The following VPS13A variants were observed in gnomAD, a reference collection of about 807,000 sequenced individuals.
VPS13A encodes intermembrane lipid transfer protein VPS13A.
VPS13A carries 264 observed loss-of-function variants against 390.9 expected under a neutral mutation model. That is an observed-to-expected ratio of 0.68 (90% confidence interval 0.61 to 0.75). The LOEUF (loss-of-function observed/expected upper bound fraction) is 0.75, where lower values mean the gene tolerates loss of function less well. Among genes scored for constraint, VPS13A ranks in the 30% least tolerant of loss-of-function variants. VPS13A has a pLI of 0.00. For missense variants in VPS13A, 3,409 were observed against 3,733.9 expected (o/e 0.91, Z 2.27); for synonymous variants, 1,231 against 1,227.1 (o/e 1.00, Z -0.07).
chr9:77,213,282 A>G lies in VPS13A; in HGVS notation c.664A>G (p.Met222Val). ...LFAYWNVKSQ[M>V]FYLSDYDNSL... Reference sequence around the variant, plus strand: ...TGCCTATTGGAATGTGAAGTCTCAGATGTTTTATCTTAGTGATTATGATAA... The same window carrying G: ...TGCCTATTGGAATGTGAAGTCTCAGGTGTTTTATCTTAGTGATTATGATAA... The change falls in exon 9 of 72, where the codon ATG becomes GTG. Residue 222 changes from methionine (M) to valine (V), a missense_variant. This residue lies in a region of VPS13A where 2,717 missense variants were observed against 2,917.4 expected (regional missense o/e 0.93). Coordinates refer to ENST00000360280, the MANE Select transcript of VPS13A (RefSeq NM_033305.3). 4 of 1,613,714 alleles carry G rather than the reference A, an allele frequency of 2.5e-6. No homozygotes were observed. The highest frequency in any genetic ancestry group is 3.4e-6 in the Non-Finnish European group (4 of 1,179,840).
At chr9:77,215,152 C>T (rs779618290) in intron 10 of VPS13A, among the ~76,000 whole-genome samples, 29 of 151,770 alleles carry the variant, frequency 1.9e-4, no homozygotes, top group Admixed American at 3.9e-4. Context: ...CAAAAACAAA[C>T]AAAAAAAAGT....
At chr9:77,178,362 C>G (rs556439472) in intron 1 of VPS13A, among the ~76,000 whole-genome samples, 26 of 152,374 alleles carry the variant, frequency 1.7e-4, no homozygotes, top group Admixed American at 1.1e-3. Flanking sequence ...CTGCTCTCCC[C>G]CTTCCGGCCC....
chr9:77,267,748 C>T (rs1262125431), intron 23 of VPS13A, among the ~76,000 whole-genome samples: 1 of 152,196 alleles, frequency 6.6e-6, no homozygotes, highest in Non-Finnish European at 1.5e-5. Flanking sequence ...ATGTTTAAGT[C>T]TGCTGAAGCT....
chr9:77,289,244 ACAGT>A (rs937511108), intron 31 of VPS13A, among the ~76,000 whole-genome samples: 18 of 152,290 alleles, frequency 1.2e-4, no homozygotes, highest in African/African-American at 3.8e-4. Context: ...TGGGTTTCTT[ACAGT>A]CAGTGTATAT....
At chr9:77,189,359 A>G (rs981994552) in intron 1 of VPS13A, among the ~76,000 whole-genome samples, 1 of 152,066 alleles carries the variant, frequency 6.6e-6, no homozygotes, top group Non-Finnish European at 1.5e-5. Flanking sequence ...CATTTATTGA[A>G]TAGGGAGTCC....
At chr9:77,225,742 A>T (rs575923431) in intron 13 of VPS13A, among the ~76,000 whole-genome samples, 184 bp from the exon 14 acceptor site, 9 of 152,286 alleles carry the variant, frequency 5.9e-5, no homozygotes, top group Non-Finnish European at 1.3e-4. Context: ...ACTAATTTCC[A>T]TGCTGATATA....
At chr9:77,179,073 C>G (rs181067714) in intron 1 of VPS13A, among the ~76,000 whole-genome samples, 4 of 152,300 alleles carry the variant, frequency 2.6e-5, no homozygotes, top group African/African-American at 9.6e-5. Context: ...GTTTATGCTG[C>G]TTCTTAGTTG....
At chr9:77,296,073 CTA>C (rs767445912) in intron 33 of VPS13A, among the ~76,000 whole-genome samples, 1 of 152,146 alleles carries the variant, frequency 6.6e-6, no homozygotes. Flanking sequence ...ATTAGGAAAA[CTA>C]TAAAATTTAT....
rs752655990 is a variant in VPS13A, at chr9:77,302,911, A to G, written c.3813-4A>G. The G allele has an allele frequency of 6.2e-7, 1 of 1,611,526 alleles. No homozygotes were observed. Among genetic ancestry groups the G allele is most frequent in the East Asian group, 2.2e-5 (1 of 44,788 alleles). On this transcript the variant is annotated splice_region_variant and splice_polypyrimidine_tract_variant and intron_variant, in intron 33 of 71. Coordinates refer to ENST00000360280, the MANE Select transcript of VPS13A (RefSeq NM_033305.3). ...ATTTAAAAGAATGTTATCTCTACTT[A>G]TAGATCTCGATTTATTAATGATGCA... is the stretch of plus-strand genomic sequence containing the variant.
intron 23 of VPS13A, among the ~76,000 whole-genome samples, chr9:77,260,620 G>A (rs12343639): frequency 0.2 from 30,629 of 151,804 alleles, 3,277 homozygotes; most frequent in Middle Eastern, 0.26. Context: ...CTCCCAAAGT[G>A]CTGGGCTTAC....
chr9:77,209,225 G>C (rs1825840279), intron 5 of VPS13A, among the ~76,000 whole-genome samples, 198 bp from the exon 6 acceptor site: 1 of 152,108 alleles, frequency 6.6e-6, no homozygotes, highest in South Asian at 2.1e-4. Flanking sequence ...GTCTGCTTTA[G>C]TCTCATGGCA....
chr9:77,343,444 T>C (rs1188864570), intron 50 of VPS13A, among the ~76,000 whole-genome samples: 1 of 152,210 alleles, frequency 6.6e-6, no homozygotes, highest in Non-Finnish European at 1.5e-5. Context: ...CTGAAATATA[T>C]GAAGGGATCA....
At chr9:77,332,832 C>T (rs1384124610) in intron 46 of VPS13A, among the ~76,000 whole-genome samples, 1 of 152,138 alleles carries the variant, frequency 6.6e-6, no homozygotes, top group Non-Finnish European at 1.5e-5. Context: ...GAAATAGGTA[C>T]TTACCTCAAT....
intron 70 of VPS13A, 103 bp downstream of exon 70, chr9:77,406,090 C>G: frequency 6.8e-7 from 1 of 1,477,056 alleles, no homozygotes. Context: ...ATAGATGTCA[C>G]TTTGTCCTGG....
At chr9:77,210,429 T>C (rs1283734170) in intron 6 of VPS13A, among the ~76,000 whole-genome samples, 187 bp from the exon 7 acceptor site, 1 of 149,178 alleles carries the variant, frequency 6.7e-6, no homozygotes, top group African/African-American at 2.5e-5. Context: ...ACATTTTTTT[T>C]TGTAGAGGCA....
At chr9:77,346,275 G>C (rs1831147519) in intron 52 of VPS13A, among the ~76,000 whole-genome samples, 1 of 151,934 alleles carries the variant, frequency 6.6e-6, no homozygotes, top group African/African-American at 2.4e-5. Context: ...TAGTGATGCT[G>C]AGCTTCTTTT....
intron 67 of VPS13A, among the ~76,000 whole-genome samples, chr9:77,381,132 G>A (rs1833409995): frequency 6.6e-6 from 1 of 152,144 alleles, no homozygotes; most frequent in Admixed American, 6.5e-5. Flanking sequence ...GCCGTATGTG[G>A]TATGTGTTTT....
rs1057515645 is a variant in VPS13A, at chr9:77,201,379, A to G, written c.159A>G (p.Val53=). 2.5e-6 allele frequency: 4 copies of G among 1,609,992 alleles called. No individual in the cohort carries two copies. In the East Asian group the frequency reaches 8.9e-5, roughly 36 times the overall value. The change falls in exon 3 of 72, where the codon GTA becomes GTG. Residue 53 remains valine, a synonymous_variant. Transcript: ENST00000360280. ...IKENALSQLD[V]PFKVKVGHIG... ...TTTTTCTGTAGAGTCAACTGGATGT[A>G]CCATTTAAAGTTAAAGTTGGTCACA...
Position 77,317,699 on chromosome 9 carries a change from G to A in VPS13A, c.4956+1G>A, listed in dbSNP as rs1085307823. 2.5e-6 allele frequency: 4 copies of A among 1,580,658 alleles called. No homozygotes were observed. Among genetic ancestry groups the A allele is most frequent in the Non-Finnish European group, 3.4e-6 (4 of 1,160,106 alleles). On this transcript the variant is annotated splice_donor_variant, in intron 40 of 71. Coordinates refer to ENST00000360280, the MANE Select transcript of VPS13A (RefSeq NM_033305.3). LOFTEE classifies it high-confidence loss of function. Reference sequence around the variant, plus strand: ...GTCAGTAAAATCCCTGACACTAAAGGTAAATTAAAATATAATCATTTGAAT... The same window carrying A: ...GTCAGTAAAATCCCTGACACTAAAGATAAATTAAAATATAATCATTTGAAT...
Sources: gnomAD v4.1 joint callset for allele counts (sites outside exome capture counted in the v4.1 genomes callset) on GRCh38, gnomAD v4.1.1 for gene constraint, gnomAD v4.1.1 regional missense constraint, MANE v1.5 for transcripts, NCBI Gene and HGNC (gene_info 2026-07-23, HGNC 2026-07-21) for gene names.